The following PCED1B variants were observed in gnomAD, a reference collection of about 807,000 sequenced individuals.
PCED1B encodes PC-esterase domain-containing protein 1B.
For missense variants in PCED1B, 573 were observed against 573.9 expected, an observed-to-expected ratio of 1.00 and a Z score of 0.02; for synonymous variants, 251 against 246.1, an observed-to-expected ratio of 1.02 and a Z score of -0.19.
At chr12:47,202,610 A>AAAAAAAAAAAAAAAAC (rs1942798391) in intron 2 of PCED1B, among the ~76,000 whole-genome samples, 1 of 151,014 alleles carries the variant, frequency 6.6e-6, no homozygotes, top group Non-Finnish European at 1.5e-5. Flanking sequence ...AAAAAAAAAA[A>AAAAAAAAAAAAAAAAC]AAAAAAAAAG....
At chr12:47,118,512 A>G (rs1939531991) in intron 2 of PCED1B, among the ~76,000 whole-genome samples, 1 of 152,006 alleles carries the variant, frequency 6.6e-6, no homozygotes. Context: ...GATGTGTGGT[A>G]TTATTTCTGA....
chr12:47,173,410 C>A (rs965101971), intron 2 of PCED1B, among the ~76,000 whole-genome samples: 2 of 152,060 alleles, frequency 1.3e-5, no homozygotes, highest in Non-Finnish European at 1.5e-5. Flanking sequence ...CCCGCCACCA[C>A]GCCCAGCTAA....
intron 2 of PCED1B, among the ~76,000 whole-genome samples, chr12:47,144,159 G>T (rs893891908): frequency 3.3e-5 from 5 of 152,214 alleles, no homozygotes; most frequent in African/African-American, 1.2e-4. Flanking sequence ...ACCTTGTAGA[G>T]TGGTGGGTTG....
At chr12:47,149,634 G>T in intron 2 of PCED1B, among the ~76,000 whole-genome samples, 1 of 152,116 alleles carries the variant, frequency 6.6e-6, no homozygotes, top group Non-Finnish European at 1.5e-5. Context: ...AAAGATTTAT[G>T]CTTTAACGTG....
intron 1 of PCED1B, among the ~76,000 whole-genome samples, chr12:47,085,457 T>G (rs854894): frequency 0.018 from 2,731 of 152,292 alleles, 88 homozygotes; most frequent in African/African-American, 0.061. Flanking sequence ...ATCTATTAAG[T>G]ATTCTATTGT....
chr12:47,223,066 T>C (rs1943532596), intron 3 of PCED1B, among the ~76,000 whole-genome samples: 1 of 151,892 alleles, frequency 6.6e-6, no homozygotes, highest in South Asian at 2.1e-4. Flanking sequence ...AAAGAGCCCT[T>C]CAGTGGGCCT....
At chr12:47,164,736 G>C (rs1295571342) in intron 2 of PCED1B, among the ~76,000 whole-genome samples, 7 of 152,230 alleles carry the variant, frequency 4.6e-5, no homozygotes, top group Non-Finnish European at 7.3e-5. Flanking sequence ...TGAAATCTAG[G>C]TGGAAGCCTC....
intron 2 of PCED1B, among the ~76,000 whole-genome samples, chr12:47,118,040 G>T (rs899398212): frequency 3.3e-5 from 5 of 149,606 alleles, no homozygotes; most frequent in African/African-American, 1.3e-4. Flanking sequence ...ACTTTTTGAT[G>T]GGGTTGTTTG....
At chr12:47,086,144 C>G (rs1357445529) in intron 1 of PCED1B, among the ~76,000 whole-genome samples, 10 of 152,042 alleles carry the variant, frequency 6.6e-5, no homozygotes, top group South Asian at 2.1e-4. Flanking sequence ...GCCCAATTGT[C>G]CATATTCTCA....
intron 2 of PCED1B, among the ~76,000 whole-genome samples, chr12:47,128,337 G>C (rs1015450780): frequency 6.6e-6 from 1 of 152,040 alleles, no homozygotes; most frequent in Non-Finnish European, 1.5e-5. Flanking sequence ...AAAAGTGTTT[G>C]AGGAACAAAA....
chr12:47,167,213 T>G (rs1166328235), intron 2 of PCED1B, among the ~76,000 whole-genome samples: 1 of 152,212 alleles, frequency 6.6e-6, no homozygotes, highest in Non-Finnish European at 1.5e-5. Context: ...TTTTTCTGTG[T>G]CTGTTGGTCT....
chr12:47,148,059 G>A (rs953263487), intron 2 of PCED1B, among the ~76,000 whole-genome samples: 1 of 152,172 alleles, frequency 6.6e-6, no homozygotes, highest in Non-Finnish European at 1.5e-5. Flanking sequence ...TAAGGTGCTG[G>A]CATGTTGTGA....
intron 2 of PCED1B, among the ~76,000 whole-genome samples, chr12:47,124,988 T>C (rs902364327): frequency 1.3e-5 from 2 of 152,024 alleles, no homozygotes; most frequent in Non-Finnish European, 2.9e-5. Context: ...TGAACAGTGC[T>C]TTCTAAATAG....
intron 3 of PCED1B, among the ~76,000 whole-genome samples, chr12:47,220,639 G>A (rs1943449121): frequency 6.6e-6 from 1 of 152,222 alleles, no homozygotes; most frequent in African/African-American, 2.4e-5. Context: ...GGGCCCTGAG[G>A]GGTACAAGGA....
At position 47,160,925 on chromosome 12, in the gene PCED1B, C is replaced by T. The variant is rs1027479405; in HGVS notation, c.-525-55297C>T. 2.4e-4 allele frequency among the ~76,000 whole-genome samples: 37 copies of T among 152,242 alleles called. 1 individual carries two copies. Among genetic ancestry groups the T allele is most frequent in the African/African-American group, 8.4e-4 (35 of 41,536 alleles). On this transcript the variant is annotated intron_variant, in intron 2 of 3. Transcript: ENST00000546455. ...CTCTCATTCTGACAATACTGAATTGCTTCTAGCAGGAATGGATTAGTTCCT... is the reference window on the plus strand; with the variant it reads ...CTCTCATTCTGACAATACTGAATTGTTTCTAGCAGGAATGGATTAGTTCCT...
At chr12:47,183,620 T>C (rs2137615080) in intron 2 of PCED1B, among the ~76,000 whole-genome samples, 1 of 152,254 alleles carries the variant, frequency 6.6e-6, no homozygotes, top group African/African-American at 2.4e-5. Flanking sequence ...TATCACCCAT[T>C]GAACGGGTAT....
rs761281915 is a variant in PCED1B at position 47,235,180 on chromosome 12, G to C, written c.117G>C (p.Lys39Asn). Residue 39 changes from lysine to asparagine, a missense_variant, in exon 4 of 4, where the codon AAG (lysine) becomes AAC (asparagine). By Grantham distance (94) the Lys-to-Asn change is moderately conservative. Transcript: ENST00000546455. Reference sequence around the variant, plus strand: ...AGGACCTGGTGCTTCTGCTGCAGAAGGACCGCCTGCTCACTCCCGGGCAGC... The same window carrying C: ...AGGACCTGGTGCTTCTGCTGCAGAACGACCGCCTGCTCACTCCCGGGCAGC... ...VYKDLVLLLQKDRLLTPGQLR... is the reference protein window; with the variant it reads ...VYKDLVLLLQNDRLLTPGQLR... 6.3e-6 allele frequency: 10 copies of C among 1,592,692 alleles called. No individual in the cohort carries two copies. The highest frequency in any genetic ancestry group is 7.7e-6 in the Non-Finnish European group (9 of 1,168,714).
At chr12:47,180,794 T>A (rs1339108541) in intron 2 of PCED1B, among the ~76,000 whole-genome samples, 1 of 152,084 alleles carries the variant, frequency 6.6e-6, no homozygotes, top group Non-Finnish European at 1.5e-5. Flanking sequence ...AACAGACACT[T>A]CTCAGAAGAA....
intron 2 of PCED1B, among the ~76,000 whole-genome samples, chr12:47,179,373 C>T (rs1313940290): frequency 6.6e-6 from 1 of 152,202 alleles, no homozygotes; most frequent in East Asian, 1.9e-4. Context: ...TAAAGCTTTT[C>T]TATCAAATGC....
Sources: allele counts gnomAD v4.1 joint callset (sites outside exome capture counted in the v4.1 genomes callset), GRCh38; gene constraint gnomAD v4.1.1; transcripts MANE v1.5; gene names NCBI Gene and HGNC (gene_info 2026-07-23, HGNC 2026-07-21).